The following SLCO3A1 variants were observed in gnomAD, a reference collection of about 807,000 sequenced individuals.
The protein encoded by SLCO3A1 is PGE1 transporter.
Under a neutral mutation model 63.1 loss-of-function variants are expected in SLCO3A1, and 27 were observed. That is an observed-to-expected ratio of 0.43 (90% CI 0.32 to 0.59). SLCO3A1 has a LOEUF of 0.59. SLCO3A1 is among the 20% of genes least tolerant of loss of function. The pLI is 0.09. For missense variants in SLCO3A1, 773 were observed against 945.8 expected (o/e 0.82, Z 2.40); for synonymous variants, 473 against 409.9 (o/e 1.15, Z -1.86).
At position 92,141,780 on chromosome 15, in the gene SLCO3A1, G is replaced by A. The variant is rs1296436230; in HGVS notation, c.1513-5204G>A. The stretch of plus-strand genomic sequence containing the variant: ...GAAGATCCCTCCTTAACAGCCTCAC[G>A]ACCTTATGCACCCATCTCCCTTAGC... On this transcript the variant is annotated intron_variant, in intron 7 of 9. Coordinates refer to ENST00000318445, the MANE Select transcript of SLCO3A1 (RefSeq NM_013272.4). Among the ~76,000 whole-genome samples the A allele has an allele frequency of 7.2e-5, 11 of 152,190 alleles. 3 individuals carry two copies. Among genetic ancestry groups the A allele is most frequent in the Admixed American group, 6.5e-4 (10 of 15,294 alleles).
chr15:92,077,532 C>T (rs567190912), intron 2 of SLCO3A1, among the ~76,000 whole-genome samples: 1 of 152,304 alleles, frequency 6.6e-6, no homozygotes, highest in African/African-American at 2.4e-5. Flanking sequence ...CATGAGAAAG[C>T]GTCTGGCTCC....
At chr15:92,123,557 T>A (rs2047888167) in intron 5 of SLCO3A1, among the ~76,000 whole-genome samples, 1 of 152,166 alleles carries the variant, frequency 6.6e-6, no homozygotes, top group South Asian at 2.1e-4. Context: ...CACCCACCAC[T>A]TGGTCAATTT....
At chr15:92,149,416 T>A (rs976578143) in intron 8 of SLCO3A1, 1 of 152,316 alleles carries the variant, frequency 6.6e-6, no homozygotes, top group African/African-American at 2.4e-5. Flanking sequence ...GGGGCACAGA[T>A]GTGCACCAGC....
In SLCO3A1 at chr15:92,132,080, C is replaced by T. The variant is rs534004392; in HGVS notation, c.1512+3591C>T. ...GGCCCTGTACTGACCTCAGAGAGCC[C>T]CAGGGATCCAGGGGTAATACCATTC... On this transcript the variant is annotated intron_variant, in intron 7 of 9. Transcript: ENST00000318445. 1.0e-4 allele frequency among the ~76,000 whole-genome samples: 15 copies of T among 145,502 alleles called. 1 individual carries two copies. Among genetic ancestry groups the T allele is most frequent in the Non-Finnish European group, 1.8e-4 (12 of 65,006 alleles).
chr15:92,172,017 G>T (rs2048524583), exon 11 of SLCO3A1: 4 of 627,732 alleles, frequency 6.4e-6, no homozygotes, highest in Non-Finnish European at 1.1e-5. Context: ...CCCAAGCGCA[G>T]GCCTGTGATG....
rs1285216382 is a variant in SLCO3A1, at chr15:91,916,973, G to A, written c.646+515G>A. 6.6e-6 allele frequency among the ~76,000 whole-genome samples: 1 copy of A among 152,204 alleles called. No individual in the cohort carries two copies. The highest frequency in any genetic ancestry group is 1.5e-5 in the Non-Finnish European group (1 of 68,038). ...TAATGGAAGTATGCATGGGAATTGG[G>A]TATGTAGAGAGAAATAAGGTATTTG... On this transcript the variant is annotated intron_variant, in intron 2 of 9. Transcript: ENST00000318445. The surrounding 1 kb of genome is among the most constrained non-coding windows in gnomAD (Gnocchi z 6.2).
intron 2 of SLCO3A1, among the ~76,000 whole-genome samples, chr15:92,084,594 G>A (rs1424889245): frequency 2.6e-5 from 4 of 152,180 alleles, no homozygotes; most frequent in African/African-American, 4.8e-5. Flanking sequence ...GCATCTAATT[G>A]CAAAGTGAGT....
chr15:92,050,910 CT>C (rs1478834779), intron 2 of SLCO3A1, among the ~76,000 whole-genome samples: 1 of 152,166 alleles, frequency 6.6e-6, no homozygotes, highest in Non-Finnish European at 1.5e-5. Context: ...CCACTTAAGA[CT>C]TTCACGCATG....
chr15:92,005,762 T>A (rs1156612901), intron 2 of SLCO3A1, among the ~76,000 whole-genome samples: 1 of 152,172 alleles, frequency 6.6e-6, no homozygotes, highest in African/African-American at 2.4e-5. Flanking sequence ...TTCTTGATGT[T>A]ATGCACTGGA....
rs998686670 is a variant in SLCO3A1, at chr15:91,941,771, A to T, written c.646+25313A>T. On this transcript the variant is annotated intron_variant, in intron 2 of 9. Coordinates refer to ENST00000318445, the MANE Select transcript of SLCO3A1 (RefSeq NM_013272.4). This position sits in a 1 kb window ranked among gnomAD's most constrained non-coding sequence, Gnocchi z 4.4. ...ATGGAGCTTGTCTGTGTGCAACTTC[A>T]TCTGAGAGCGCTCAGGCTTCCCTCT... Among the ~76,000 whole-genome samples, 2 of 152,150 alleles carry T rather than the reference A, an allele frequency of 1.3e-5. No individual in the cohort carries two copies. The highest frequency in any genetic ancestry group is 2.9e-5 in the Non-Finnish European group (2 of 68,032).
intron 1 of SLCO3A1, chr15:91,888,992 A>G: frequency 2.7e-6 from 1 of 375,894 alleles, no homozygotes; most frequent in Non-Finnish European, 4.6e-6. Flanking sequence ...CTGGGTAACA[A>G]GAGTGAGACT....
rs144597201 is a variant in SLCO3A1 at position 91,964,349 on chromosome 15, C to G, written c.646+47891C>G. Among the ~76,000 whole-genome samples the G allele has an allele frequency of 4.7e-3, 719 of 151,744 alleles. 9 individuals are homozygous for G. Among genetic ancestry groups the G allele is most frequent in the African/African-American group, 0.015 (630 of 41,346 alleles). On this transcript the variant is annotated intron_variant, in intron 2 of 9. Coordinates refer to ENST00000318445, the MANE Select transcript of SLCO3A1 (RefSeq NM_013272.4). ...GTGAAATATTTGATAGTGCTTTATA[C>G]TTTCTACCCTTTTTAGGGCATGGTA...
At chr15:92,042,007 G>T (rs1567083620) in intron 2 of SLCO3A1, among the ~76,000 whole-genome samples, 3 of 152,088 alleles carry the variant, frequency 2.0e-5, no homozygotes, top group Admixed American at 1.3e-4. Context: ...TGAGCAGAAT[G>T]CACCTTCCAA....
intron 7 of SLCO3A1, among the ~76,000 whole-genome samples, chr15:92,140,463 G>T (rs1304821711): frequency 6.6e-6 from 1 of 151,586 alleles, no homozygotes; most frequent in Non-Finnish European, 1.5e-5. Context: ...TGTTGATTTG[G>T]GGTGGAGAGT....
chr15:91,995,733 G>GAAAA (rs34688452), intron 2 of SLCO3A1, among the ~76,000 whole-genome samples: 2,894 of 79,610 alleles, frequency 0.036, 64 homozygotes, highest in Non-Finnish European at 0.054. Context: ...AGATTTTCTT[G>GAAAA]AAAAAAAAAA....
chr15:92,122,858 G>T (rs938351459), intron 5 of SLCO3A1, among the ~76,000 whole-genome samples: 1 of 152,182 alleles, frequency 6.6e-6, no homozygotes, highest in African/African-American at 2.4e-5. Context: ...CAATGTGGTT[G>T]AATCTCACAG....
At chr15:92,009,285 G>T (rs998277027) in intron 2 of SLCO3A1, among the ~76,000 whole-genome samples, 1 of 152,168 alleles carries the variant, frequency 6.6e-6, no homozygotes, top group Non-Finnish European at 1.5e-5. Flanking sequence ...TTCTGCTGGG[G>T]TCATAGTCCA....
At chr15:92,151,688 T>C (rs2048308018) in intron 9 of SLCO3A1, among the ~76,000 whole-genome samples, 1 of 152,254 alleles carries the variant, frequency 6.6e-6, no homozygotes, top group Non-Finnish European at 1.5e-5. Flanking sequence ...TACCACACCG[T>C]TGCTTTATGA....
chr15:92,010,581 T>A (rs1466139822), intron 2 of SLCO3A1, among the ~76,000 whole-genome samples: 1 of 152,202 alleles, frequency 6.6e-6, no homozygotes, highest in African/African-American at 2.4e-5. Flanking sequence ...GTGTAGGCAT[T>A]TGCTTCCTGT....
Sources: gnomAD v4.1 joint callset for allele counts (sites outside exome capture counted in the v4.1 genomes callset) on GRCh38, gnomAD v4.1.1 for gene constraint, Gnocchi (gnomAD v3.1) non-coding constraint, MANE v1.5 for transcripts, NCBI Gene and HGNC (gene_info 2026-07-23, HGNC 2026-07-21) for gene names.